Variants in RBFOX1 observed in about 807,000 individuals in gnomAD.
RBFOX1 encodes the protein RNA binding fox-1 homolog 1.
RBFOX1 carries 8 observed loss-of-function variants against 57.7 expected under a neutral mutation model. The ratio of observed to expected loss-of-function variants is 0.14; its 90% CI spans 0.08 to 0.25. The LOEUF is 0.25. Ranked by LOEUF, RBFOX1 falls within the 10% of genes least tolerant of loss-of-function variation. The pLI is 1.00. For missense variants in RBFOX1, 611 were observed against 548.5 expected (o/e 1.11, Z -1.14); for synonymous variants, 326 against 222.4 (o/e 1.47, Z -4.15).
chr16:7,044,778 A>G (rs59897842), intron 3 of RBFOX1, among the ~76,000 whole-genome samples: 19,187 of 152,222 alleles, frequency 0.13, 2,100 homozygotes, highest in East Asian at 0.29. Context: ...TTTCAAGGCT[A>G]GCTTTTAAAG....
chr16:6,594,058 T>C (rs899814277), intron 2 of RBFOX1, among the ~76,000 whole-genome samples: 35 of 152,172 alleles, frequency 2.3e-4, no homozygotes, highest in African/African-American at 6.5e-4. Flanking sequence ...TCACACTGTT[T>C]GAGGACACTT....
At chr16:6,266,564 A>G (rs907539238) in intron 1 of RBFOX1, among the ~76,000 whole-genome samples, 68 of 152,136 alleles carry the variant, frequency 4.5e-4, no homozygotes, top group African/African-American at 1.6e-3. Context: ...AGATACAAAA[A>G]TCAGTCAGTC....
intron 4 of RBFOX1, among the ~76,000 whole-genome samples, chr16:7,106,984 A>ACACACACACATACAC (rs1567282011): frequency 1.3e-5 from 2 of 148,514 alleles, no homozygotes; most frequent in African/African-American, 5.0e-5. Context: ...ACACAGTTAA[A>ACACACACACATACAC]ACACACACAC....
At chr16:5,536,644 C>T (rs1026598078) in intron 2 of RBFOX1, among the ~76,000 whole-genome samples, 1 of 152,002 alleles carries the variant, frequency 6.6e-6, no homozygotes, top group Non-Finnish European at 1.5e-5. Flanking sequence ...AAATGGGAGA[C>T]AAGCGTCAAA....
At chr16:6,230,515 C>T (rs961935866) in intron 1 of RBFOX1, among the ~76,000 whole-genome samples, 4 of 152,046 alleles carry the variant, frequency 2.6e-5, no homozygotes, top group Non-Finnish European at 5.9e-5. Flanking sequence ...TGCATCAAAC[C>T]GCCCCAAAGC....
intron 2 of RBFOX1, among the ~76,000 whole-genome samples, chr16:6,453,705 C>T (rs763990294): frequency 1.3e-5 from 2 of 152,142 alleles, no homozygotes; most frequent in Non-Finnish European, 2.9e-5. Context: ...ACTTTCTAAG[C>T]TTATTGGTTT....
At chr16:5,476,789 CTT>C (rs1421958494) in intron 2 of RBFOX1, among the ~76,000 whole-genome samples, 2 of 152,152 alleles carry the variant, frequency 1.3e-5, no homozygotes, top group East Asian at 3.8e-4. Context: ...TTCGAAGTTT[CTT>C]CTATTTTCTG....
At chr16:5,399,341 G>C (rs1054704205) in intron 1 of RBFOX1, among the ~76,000 whole-genome samples, 1 of 152,172 alleles carries the variant, frequency 6.6e-6, no homozygotes, top group African/African-American at 2.4e-5. Context: ...GTAGATATTG[G>C]AGTAGGATAG....
At chr16:5,285,692 T>G (rs953425131) in intron 1 of RBFOX1, among the ~76,000 whole-genome samples, 5 of 152,224 alleles carry the variant, frequency 3.3e-5, no homozygotes, top group African/African-American at 1.2e-4. Context: ...TACAGTGATA[T>G]AGTCTGCATA....
chr16:5,942,825 C>G (rs1202087535), intron 4 of RBFOX1, among the ~76,000 whole-genome samples: 1 of 152,224 alleles, frequency 6.6e-6, no homozygotes, highest in African/African-American at 2.4e-5. Context: ...AAGGCACTTT[C>G]AAGCTGAGGG....
intron 3 of RBFOX1, among the ~76,000 whole-genome samples, chr16:5,731,199 G>A (rs538875230): frequency 4.0e-5 from 6 of 150,982 alleles, no homozygotes; most frequent in African/African-American, 9.8e-5. Flanking sequence ...CAGTGTCACC[G>A]TTATCATCAA....
At chr16:6,253,509 G>T (rs2097638756) in intron 1 of RBFOX1, among the ~76,000 whole-genome samples, 1 of 152,040 alleles carries the variant, frequency 6.6e-6, no homozygotes, top group African/African-American at 2.4e-5. Context: ...ACCCAAATTT[G>T]GTGACTCTGA....
intron 3 of RBFOX1, among the ~76,000 whole-genome samples, chr16:6,997,037 C>A (rs910606738): frequency 6.6e-6 from 1 of 152,018 alleles, no homozygotes; most frequent in African/African-American, 2.4e-5. Flanking sequence ...TTTATATGCA[C>A]GTATTTATAA....
At chr16:5,987,630 G>C (rs193128622) in intron 4 of RBFOX1, among the ~76,000 whole-genome samples, 10 of 152,238 alleles carry the variant, frequency 6.6e-5, no homozygotes, top group Non-Finnish European at 1.5e-4. Flanking sequence ...TTGAGGCCAG[G>C]AGTTCGAGGC....
chr16:6,772,788 T>TTGTG (rs1603619253), intron 3 of RBFOX1, among the ~76,000 whole-genome samples: 2 of 137,614 alleles, frequency 1.5e-5, no homozygotes, highest in African/African-American at 5.5e-5. Context: ...TGGGGTGCAT[T>TTGTG]TGTGTGCGTA....
intron 3 of RBFOX1, among the ~76,000 whole-genome samples, chr16:5,826,237 C>G (rs763009964): frequency 2.6e-5 from 4 of 151,360 alleles, no homozygotes; most frequent in African/African-American, 4.8e-5. Context: ...CATTTACAAA[C>G]ACTCTTCCCT....
At chr16:6,384,673 T>A (rs2092116790) in intron 2 of RBFOX1, among the ~76,000 whole-genome samples, 2 of 152,234 alleles carry the variant, frequency 1.3e-5, no homozygotes. Flanking sequence ...AATCTCTTCT[T>A]CCAGGCCTCT....
intron 3 of RBFOX1, among the ~76,000 whole-genome samples, chr16:6,788,398 G>A (rs1006347164): frequency 2.6e-5 from 4 of 151,678 alleles, no homozygotes; most frequent in African/African-American, 7.3e-5. Context: ...AATTATTATC[G>A]TCTCTCTGAA....
At chr16:7,393,527 G>C (rs1317658355) in intron 4 of RBFOX1, among the ~76,000 whole-genome samples, 1 of 152,126 alleles carries the variant, frequency 6.6e-6, no homozygotes, top group Admixed American at 6.5e-5. Context: ...TGCCTGAGAT[G>C]GGTGCAAGTG....
Sources: allele counts gnomAD v4.1 joint callset (sites outside exome capture counted in the v4.1 genomes callset), GRCh38; gene constraint gnomAD v4.1.1; transcripts MANE v1.5; gene names NCBI Gene and HGNC (gene_info 2026-07-23, HGNC 2026-07-21).